Variants in SLC9A7 observed in about 807,000 individuals in gnomAD.
The protein encoded by SLC9A7 is sodium/hydrogen exchanger 7.
A neutral mutation model predicts 52.6 loss-of-function variants in SLC9A7; 19 were observed. The ratio of observed to expected loss-of-function variants is 0.36; its 90% CI spans 0.25 to 0.53. The LOEUF is 0.53. Ranked by LOEUF, SLC9A7 falls within the 20% of genes least tolerant of loss-of-function variation. The pLI is 0.91. For missense variants in SLC9A7, 455 were observed against 597.9 expected, an observed-to-expected ratio of 0.76 and a Z score of 2.49; for synonymous variants, 226 against 252.1, an observed-to-expected ratio of 0.90 and a Z score of 0.98.
At position 46,612,947 on chromosome X, in the gene SLC9A7, AAAAAAAAAAAAAAAAAAAGAG is replaced by A. The variant is rs1452941797; in HGVS notation, c.1929+321_1929+341del. ...CTCAAAAAAAAAAAAAAAAAAAAAA[AAAAAAAAAAAAAAAAAAAGAG>A]AGAGAGAAAGAACTGAGATGCAGAG... On this transcript the variant is annotated intron_variant, in intron 16 of 16. Transcript: ENST00000616978. 5.8e-3 allele frequency among the ~76,000 whole-genome samples: 565 copies of A among 96,923 alleles called. 6 individuals are homozygous for A. The highest frequency in any genetic ancestry group is 0.02 in the African/African-American group (522 of 26,725). 84.2% of individuals were successfully genotyped at this position (96,923 alleles called of 115,157 possible).
chrX:46,669,279 G>T (rs752489076), intron 5 of SLC9A7, among the ~76,000 whole-genome samples: 33 of 109,663 alleles, frequency 3.0e-4, no homozygotes, highest in Non-Finnish European at 4.9e-4. Context: ...TCTTAGAAAA[G>T]CCATCTAACT....
chrX:46,657,246 C>T (rs1449985210), intron 7 of SLC9A7, among the ~76,000 whole-genome samples: 2 of 110,149 alleles, frequency 1.8e-5, no homozygotes, highest in African/African-American at 3.3e-5. Context: ...AAGGAACAAC[C>T]GGTACCAGCC....
rs1475814827 is a variant in SLC9A7 at position 46,669,644 on chromosome X, A to G, written c.756T>C (p.Cys252=). 2 of 1,189,252 alleles carry G rather than the reference A, an allele frequency of 1.7e-6. No homozygotes were observed. Among genetic ancestry groups the G allele is most frequent in the African/African-American group, 1.8e-5 (1 of 56,897 alleles). Residue 252 remains cysteine, a synonymous_variant, in exon 5 of 17, where the codon TGT becomes TGC. Transcript: ENST00000616978. The stretch of plus-strand genomic sequence containing the variant: ...CAGAGATGATTGCTCCAAAAAAGAG[A>G]CAATCTGTGTAGTAAAATTTATCTG... ...QLSDKFYYTD[C]LFFGAIISAT...
intron 8 of SLC9A7, among the ~76,000 whole-genome samples, chrX:46,652,562 G>A (rs1327318584): frequency 2.7e-5 from 3 of 112,079 alleles, no homozygotes; most frequent in South Asian, 3.7e-4. Context: ...TTTGTTGTGC[G>A]AGACAAATGA....
intron 4 of SLC9A7, among the ~76,000 whole-genome samples, chrX:46,670,315 G>C (rs1341089630): frequency 8.9e-6 from 1 of 112,015 alleles, no homozygotes; most frequent in Non-Finnish European, 1.9e-5. Flanking sequence ...CATGGGTCAG[G>C]CAGGCCAGCA....
At chrX:46,614,829 G>C (rs1020999017) in intron 15 of SLC9A7, among the ~76,000 whole-genome samples, 1 of 111,966 alleles carries the variant, frequency 8.9e-6, no homozygotes, top group African/African-American at 3.3e-5. Flanking sequence ...GGATGGCCAA[G>C]AGACTTCAAA....
intron 1 of SLC9A7, among the ~76,000 whole-genome samples, chrX:46,688,319 C>T (rs909499123): frequency 9.0e-6 from 1 of 111,353 alleles, no homozygotes; most frequent in African/African-American, 3.3e-5. Flanking sequence ...GTTTGTTGGC[C>T]GGGCGCAGTG....
At chrX:46,695,355 A>C (rs1254718755) in intron 1 of SLC9A7, among the ~76,000 whole-genome samples, 2 of 112,576 alleles carry the variant, frequency 1.8e-5, no homozygotes, top group Non-Finnish European at 3.8e-5. Flanking sequence ...CAGACAATAT[A>C]TTCTGTAGTG....
At chrX:46,678,002 G>T (rs1944146574) in intron 3 of SLC9A7, among the ~76,000 whole-genome samples, 1 of 111,772 alleles carries the variant, frequency 8.9e-6, no homozygotes, top group Non-Finnish European at 1.9e-5. Context: ...GTTTTTCACG[G>T]CAAGATCTCA....
rs955954999 is a variant in SLC9A7, at chrX:46,624,990, A to G, written c.1741-3931T>C. Among the ~76,000 whole-genome samples, 20 of 111,979 alleles carry G rather than the reference A, an allele frequency of 1.8e-4. No individual in the cohort carries two copies. The East Asian group carries it at 4.2e-3, about 23-fold the overall frequency. On this transcript the variant is annotated intron_variant, in intron 14 of 16. Transcript: ENST00000616978. ...CTGGGCCTCAAGGAGCACTCTTTCC[A>G]GAAGGTGAAGGTGGCGAGGGTTGGG...
At chrX:46,736,132 G>A (rs770404690) in intron 1 of SLC9A7, among the ~76,000 whole-genome samples, 1 of 111,677 alleles carries the variant, frequency 9.0e-6, no homozygotes, top group Non-Finnish European at 1.9e-5. Context: ...TTATGTGAAT[G>A]TTAGACCATT....
At chrX:46,729,906 T>G (rs185166937) in intron 1 of SLC9A7, among the ~76,000 whole-genome samples, 130 of 112,612 alleles carry the variant, frequency 1.2e-3, no homozygotes, top group Non-Finnish European at 2.0e-3. Flanking sequence ...TCAGATTTAT[T>G]TAACTCAGAG....
intron 8 of SLC9A7, among the ~76,000 whole-genome samples, chrX:46,652,155 T>C (rs759466108): frequency 1.6e-4 from 18 of 111,899 alleles, no homozygotes; most frequent in African/African-American, 5.2e-4. Flanking sequence ...TATACATATA[T>C]ATTTTTTGAG....
intron 1 of SLC9A7, among the ~76,000 whole-genome samples, chrX:46,716,188 A>G (rs932114042): frequency 9.0e-6 from 1 of 111,474 alleles, no homozygotes; most frequent in South Asian, 3.8e-4. Flanking sequence ...TCCCAGTCCA[A>G]TGCTCAGATG....
chrX:46,620,467 G>A (rs1403065070), intron 15 of SLC9A7, among the ~76,000 whole-genome samples: 1 of 111,030 alleles, frequency 9.0e-6, no homozygotes, highest in Non-Finnish European at 1.9e-5. Flanking sequence ...AAAACCATGA[G>A]GGTTTAACAT....
chrX:46,750,505 A>G (rs1291624664), intron 1 of SLC9A7, among the ~76,000 whole-genome samples: 1 of 111,179 alleles, frequency 9.0e-6, no homozygotes, highest in Non-Finnish European at 1.9e-5. Context: ...ACATGCCACC[A>G]TGCCCAGCTA....
chrX:46,673,809 A>G (rs977729340), intron 3 of SLC9A7, among the ~76,000 whole-genome samples: 2 of 111,522 alleles, frequency 1.8e-5, no homozygotes, highest in Non-Finnish European at 3.8e-5. Context: ...GAGTCAGTGA[A>G]GAAGGTGTTA....
rs905825489 is a variant in SLC9A7, at chrX:46,602,242, C to T, written c.*4710G>A. Reference sequence around the variant, plus strand: ...TCCAAGGTTTTCGTGATCTTTTCAGCTGTACTTTATGGAGTATGTTCTTGA... The same window carrying T: ...TCCAAGGTTTTCGTGATCTTTTCAGTTGTACTTTATGGAGTATGTTCTTGA... On this transcript the variant is annotated 3_prime_UTR_variant, in exon 17 of 17. Transcript: ENST00000616978. The T allele has an allele frequency of 2.7e-5, 3 of 111,768 alleles. No individual in the cohort carries two copies. The highest frequency in any genetic ancestry group is 3.8e-5 in the Non-Finnish European group (2 of 53,203). The allele number at this position is 111,768 out of a possible 1,213,427, so 9.2% of individuals were successfully genotyped here.
At chrX:46,614,062 T>C (rs1484647918) in intron 15 of SLC9A7, among the ~76,000 whole-genome samples, 3 of 111,801 alleles carry the variant, frequency 2.7e-5, no homozygotes, top group African/African-American at 9.8e-5. Context: ...ACTATTGACA[T>C]TTAGGGCCAG....
Sources: gnomAD v4.1 joint callset for allele counts (sites outside exome capture counted in the v4.1 genomes callset) on GRCh38, gnomAD v4.1.1 for gene constraint, MANE v1.5 for transcripts, NCBI Gene and HGNC (gene_info 2026-07-23, HGNC 2026-07-21) for gene names.